Variants in PSMA1 observed in about 807,000 individuals in gnomAD.
The protein encoded by PSMA1 is proteasome 20S subunit alpha 1, also known as proteasome subunit alpha type-1.
PSMA1 carries 3 observed loss-of-function variants against 38.4 expected under a neutral mutation model. That is an observed-to-expected ratio of 0.08 (90% CI 0.04 to 0.20). The LOEUF (loss-of-function observed/expected upper bound fraction) is 0.20, where lower values mean the gene tolerates loss of function less well. Among genes scored for constraint, PSMA1 ranks in the 10% least tolerant of loss-of-function variants. The pLI is 1.00. For missense variants in PSMA1, 227 were observed against 325.3 expected (o/e 0.70, Z 2.32); for synonymous variants, 101 against 107.1 (o/e 0.94, Z 0.35).
At chr11:14,591,463 G>A (rs1266941021) in intron 2 of PSMA1, among the ~76,000 whole-genome samples, 1 of 152,194 alleles carries the variant, frequency 6.6e-6, no homozygotes, top group Non-Finnish European at 1.5e-5. Context: ...ACGGCACTGG[G>A]ACTGGCAGGC....
chr11:14,626,395 C>T lies in PSMA1; in HGVS notation c.-165-15244G>A, dbSNP rs182729539. ...ATTCTTATCTTATCTATGCTATTAC[C>T]GTTTTGGCACATCTCTTAAATTCTT... On this transcript the variant is annotated intron_variant, in intron 1 of 10. Coordinates refer to the PSMA1 transcript ENST00000418988. Among the ~76,000 whole-genome samples the T allele has an allele frequency of 8.9e-4, 136 of 152,238 alleles. 2 individuals carry two copies. Among genetic ancestry groups the T allele is most frequent in the Admixed American group, 1.5e-3 (23 of 15,282 alleles).
intron 2 of PSMA1, among the ~76,000 whole-genome samples, chr11:14,574,019 T>C (rs1247638597): frequency 6.6e-6 from 1 of 152,046 alleles, no homozygotes; most frequent in Non-Finnish European, 1.5e-5. Context: ...TTCATATGCA[T>C]GAACAAAGAA....
At chr11:14,537,133 A>C (rs1851718016) in intron 2 of PSMA1, among the ~76,000 whole-genome samples, 1 of 152,240 alleles carries the variant, frequency 6.6e-6, no homozygotes, top group African/African-American at 2.4e-5. Context: ...ATAATTCCTA[A>C]GATATTGTTT....
intron 2 of PSMA1, among the ~76,000 whole-genome samples, chr11:14,600,530 G>C (rs1396763053): frequency 2.0e-5 from 3 of 152,224 alleles, no homozygotes; most frequent in Admixed American, 2.0e-4. Flanking sequence ...AAGGCTCTGT[G>C]GGTGTGGGAG....
At chr11:14,524,623 A>G (rs1851567103), upstream of PSMA1, among the ~76,000 whole-genome samples, 1 of 152,150 alleles carries the variant, frequency 6.6e-6, no homozygotes, top group Non-Finnish European at 1.5e-5. Context: ...GTCTGCACCC[A>G]GGTGAAATAA....
At chr11:14,621,483 CTG>C (rs1852843079) in intron 1 of PSMA1, among the ~76,000 whole-genome samples, 1 of 152,124 alleles carries the variant, frequency 6.6e-6, no homozygotes, top group Admixed American at 6.5e-5. Flanking sequence ...GTTGCCCAGG[CTG>C]GTCTCAAACT....
At chr11:14,634,248 T>A (rs1035936680) in intron 1 of PSMA1, among the ~76,000 whole-genome samples, 2 of 152,114 alleles carry the variant, frequency 1.3e-5, no homozygotes, top group African/African-American at 4.8e-5. Flanking sequence ...GCCAAAAAGG[T>A]TGGGACTGCT....
At chr11:14,632,349 T>C (rs1853031357) in intron 1 of PSMA1, among the ~76,000 whole-genome samples, 2 of 148,984 alleles carry the variant, frequency 1.3e-5, no homozygotes, top group South Asian at 4.3e-4. Context: ...GGAGCTCTTG[T>C]AAGGCAGGCC....
intron 1 of PSMA1, among the ~76,000 whole-genome samples, chr11:14,629,784 T>C (rs1318695071): frequency 6.6e-6 from 1 of 150,886 alleles, no homozygotes; most frequent in South Asian, 2.1e-4. Flanking sequence ...ACGATATTGA[T>C]TCTTCCTACC....
chr11:14,632,929 C>T lies in PSMA1; in HGVS notation c.-166+10526G>A, dbSNP rs1221439275. ...TACCCTTTCTTCCAGTTGATCGCAT[C>T]GGCTCCTGAGGCTTCTGCATTCTTC... is the stretch of plus-strand genomic sequence containing the variant. On this transcript the variant is annotated intron_variant, in intron 1 of 10. Coordinates refer to the PSMA1 transcript ENST00000418988. Among the ~76,000 whole-genome samples the T allele has an allele frequency of 5.3e-5, 8 of 149,600 alleles. No homozygotes were observed. The East Asian group carries it at 7.8e-4, about 15-fold the overall frequency.
At chr11:14,605,646 C>G (rs1852634059) in intron 2 of PSMA1, among the ~76,000 whole-genome samples, 1 of 152,308 alleles carries the variant, frequency 6.6e-6, no homozygotes, top group East Asian at 1.9e-4. Context: ...CTCAGCCTCC[C>G]AAAGTGCTGG....
At chr11:14,518,910 C>T in intron 2 of PSMA1, 87 bp downstream of exon 2, 2 of 1,074,536 alleles carry the variant, frequency 1.9e-6, no homozygotes, top group Non-Finnish European at 2.7e-6. Flanking sequence ...ATTCCATTTT[C>T]CCCAAGCCTA....
At chr11:14,577,001 T>C (rs1852226037) in intron 2 of PSMA1, among the ~76,000 whole-genome samples, 1 of 152,344 alleles carries the variant, frequency 6.6e-6, no homozygotes, top group East Asian at 1.9e-4. Flanking sequence ...TTCACATCCC[T>C]TGTAAGTTGG....
intron 2 of PSMA1, among the ~76,000 whole-genome samples, chr11:14,580,555 C>T (rs1324387560): frequency 1.3e-5 from 2 of 152,200 alleles, no homozygotes; most frequent in African/African-American, 2.4e-5. Context: ...GAGTCCAGTA[C>T]TTTGAGAGCT....
At position 14,602,743 on chromosome 11, in the gene PSMA1, G is replaced by A. The variant is rs545115852; in HGVS notation, c.21+8223C>T. ...GCAGGTAAATATATAGAGAAAGGCA[G>A]AACCCAGCCTGCATTGAGTACTAAC... is the stretch of plus-strand genomic sequence containing the variant. On this transcript the variant is annotated intron_variant, in intron 2 of 10. Coordinates refer to the PSMA1 transcript ENST00000418988. Among the ~76,000 whole-genome samples the A allele has an allele frequency of 2.6e-5, 4 of 152,280 alleles. No individual in the cohort carries two copies. In the South Asian group the frequency reaches 8.3e-4, roughly 32 times the overall value.
intron 9 of PSMA1, among the ~76,000 whole-genome samples, chr11:14,506,556 G>A (rs927962362): frequency 6.6e-6 from 1 of 151,818 alleles, no homozygotes; most frequent in African/African-American, 2.4e-5. Flanking sequence ...AATAGCAAAT[G>A]TATATTCTAA....
At position 14,517,734 on chromosome 11, in the gene PSMA1, T is replaced by C; in HGVS notation, c.162A>G (p.Ser54=). The C allele has an allele frequency of 6.3e-7, 1 of 1,599,042 alleles. No homozygotes were observed. Among genetic ancestry groups the C allele is most frequent in the Non-Finnish European group, 8.5e-7 (1 of 1,175,976 alleles). Residue 54 remains serine (S), a synonymous_variant, in exon 4 of 10, where the codon TCA becomes TCG. Coordinates refer to ENST00000396394, the MANE Select transcript of PSMA1 (RefSeq NM_002786.4). ...AVLVALKRAQ[S]ELAAHQKKIL... Reference sequence around the variant, plus strand: ...TTTTTTTCTGATGAGCTGCAAGCTCTGATTGCGCCCTCTAAATAGAGACAT... The same window carrying C: ...TTTTTTTCTGATGAGCTGCAAGCTCCGATTGCGCCCTCTAAATAGAGACAT...
Position 14,611,050 on chromosome 11 carries a change from C to T in PSMA1, c.-64G>A, listed in dbSNP as rs369798511. 2,783 of 1,556,042 alleles carry T rather than the reference C, an allele frequency of 1.8e-3. 3 individuals carry two copies. The highest frequency in any genetic ancestry group is 2.1e-3 in the Non-Finnish European group (2,330 of 1,128,260). On this transcript the variant is annotated 5_prime_UTR_variant, in exon 2 of 11. Coordinates refer to the PSMA1 transcript ENST00000418988. ...CAACATAGGTCTGGATTTGACTTGT[C>T]ATTGTCTTTTCCCAGCCTTGGAGGG...
chr11:14,552,875 G>A (rs1259371763), intron 2 of PSMA1, among the ~76,000 whole-genome samples: 3 of 144,934 alleles, frequency 2.1e-5, no homozygotes, highest in Non-Finnish European at 4.5e-5. Flanking sequence ...CCAGGCTGGA[G>A]TGTAGTAGTG....
Sources: gnomAD v4.1 joint callset for allele counts (sites outside exome capture counted in the v4.1 genomes callset) on GRCh38, gnomAD v4.1.1 for gene constraint, MANE v1.5 for transcripts, NCBI Gene and HGNC (gene_info 2026-07-23, HGNC 2026-07-21) for gene names.